NCAPD3: variants seen among roughly 807,000 people sequenced by gnomAD.
The protein encoded by NCAPD3 is non-SMC condensin II complex subunit D3, also known as condensin-2 complex subunit D3.
In NCAPD3, 105 loss-of-function variants were observed where a neutral mutation model predicts 182.9. The ratio of observed to expected loss-of-function variants is 0.57; its 90% CI spans 0.49 to 0.68. The LOEUF (loss-of-function observed/expected upper bound fraction) is 0.68, where lower values mean the gene tolerates loss of function less well. Among genes scored for constraint, NCAPD3 ranks in the 30% least tolerant of loss-of-function variants. The probability of loss-of-function intolerance (pLI) is 0.00; values close to 1 mark genes in which losing one functional copy is unlikely to be tolerated. For missense variants in NCAPD3, 1,944 were observed against 1,837.0 expected (o/e 1.06, Z -1.07); for synonymous variants, 815 against 679.9 (o/e 1.20, Z -3.09).
intron 3 of NCAPD3, among the ~76,000 whole-genome samples, chr11:134,212,677 C>T (rs181847181): frequency 2.6e-5 from 4 of 152,228 alleles, no homozygotes; most frequent in South Asian, 4.1e-4. Context: ...CAGGCATGAG[C>T]CACCTCACCC....
chr11:134,152,754 GAC>G lies in NCAPD3; in HGVS notation c.*188_*189del, dbSNP rs2120454255. On this transcript the variant is annotated 3_prime_UTR_variant, in exon 35 of 35. Transcript: ENST00000534548. ...TAAATCTGGCACATCTCTATTATTT[GAC>G]AGTGTTTAACCAAATACATCATACA... 2.1e-6 allele frequency: 1 copy of G among 485,860 alleles called. No homozygotes were observed. Among genetic ancestry groups the G allele is most frequent in the African/African-American group, 1.9e-5 (1 of 51,676 alleles). The allele number at this position is 485,860 out of a possible 1,614,324, so 30.1% of individuals were successfully genotyped here. A position where few individuals can be genotyped will look rare whatever the true frequency, so the allele number is the denominator to read the frequency against.
intron 32 of NCAPD3, 26 bp downstream of exon 32, chr11:134,156,992 C>T (rs1943439346): frequency 1.3e-6 from 2 of 1,577,716 alleles, no homozygotes; most frequent in African/African-American, 1.4e-5. Context: ...TGAGGAGAAG[C>T]CCACGTGTTC....
intron 27 of NCAPD3, among the ~76,000 whole-genome samples, chr11:134,167,584 TGGG>T (rs1239222546): frequency 1.1e-5 from 1 of 92,534 alleles, no homozygotes; most frequent in Admixed American, 1.4e-4. Context: ...GAGATGAGCT[TGGG>T]GGAGGGGCAC....
chr11:134,176,438 T>G (rs886474856), intron 23 of NCAPD3, 52 bp from the exon 24 acceptor site: 11 of 1,513,672 alleles, frequency 7.3e-6, no homozygotes, highest in Non-Finnish European at 1.0e-5. Context: ...TGGGCAAGCC[T>G]CACTGTTCCC....
intron 24 of NCAPD3, among the ~76,000 whole-genome samples, chr11:134,174,674 G>C: frequency 6.6e-6 from 1 of 152,046 alleles, no homozygotes; most frequent in East Asian, 1.9e-4. Flanking sequence ...CAGCACTGTA[G>C]GTTGAATATA....
intron 27 of NCAPD3, among the ~76,000 whole-genome samples, chr11:134,163,899 G>C (rs868704346): frequency 1.4e-5 from 2 of 138,790 alleles, no homozygotes; most frequent in African/African-American, 5.5e-5. Context: ...AAAAGAAAAA[G>C]AAAGAAAGAC....
chr11:134,151,108 C>CA lies in NCAPD3; in HGVS notation c.*1835_*1836insT, dbSNP rs1182633312. 1 of 152,250 alleles carries CA rather than the reference C, an allele frequency of 6.6e-6. No individual in the cohort carries two copies. The highest frequency in any genetic ancestry group is 1.9e-4 in the East Asian group (1 of 5,200). The allele number at this position is 152,250 out of a possible 1,614,324, so 9.4% of individuals were successfully genotyped here. ...CAAGGAGCTGCTGAGAAGGAGCACT[C>CA]CACTGTGTGCCTGGAGAATGGCTCT... is the stretch of plus-strand genomic sequence containing the variant. On this transcript the variant is annotated 3_prime_UTR_variant, in exon 35 of 35. Coordinates refer to ENST00000534548, the MANE Select transcript of NCAPD3 (RefSeq NM_015261.3).
At position 134,160,060 on chromosome 11, in the gene NCAPD3, A is replaced by C. The variant is rs781060765; in HGVS notation, c.3699T>G (p.Asp1233Glu). 5.0e-6 allele frequency: 8 copies of C among 1,613,994 alleles called. No individual in the cohort carries two copies. The highest frequency in any genetic ancestry group is 1.6e-4 in the Middle Eastern group (1 of 6,062). Reference protein sequence around the residue: ...LMHYLREVMQDYRDELKDFFA... With the variant: ...LMHYLREVMQEYRDELKDFFA... ...AGAAGTCCTTGAGCTCATCTCGGTA[A>C]TCCTGCATCACCTCCTGAAACAGAG... is the stretch of plus-strand genomic sequence containing the variant. The change falls in exon 29 of 35, where the codon GAT becomes GAG. Residue 1233 changes from aspartate to glutamate, a missense_variant. Asp to Glu is a conservative substitution (Grantham distance 45). Coordinates refer to ENST00000534548, the MANE Select transcript of NCAPD3 (RefSeq NM_015261.3).
intron 27 of NCAPD3, among the ~76,000 whole-genome samples, chr11:134,163,887 AAAAAAG>A (rs1565521626): frequency 8.3e-5 from 12 of 144,684 alleles, no homozygotes; most frequent in African/African-American, 2.6e-4. Context: ...AAAAAAAAAA[AAAAAAG>A]AAAAAGAAAG....
intron 27 of NCAPD3, among the ~76,000 whole-genome samples, chr11:134,167,067 TGGG>T (rs1189155175): frequency 2.4e-5 from 2 of 85,022 alleles, no homozygotes; most frequent in Non-Finnish European, 4.2e-5. Context: ...GAGATGAGCT[TGGG>T]GGAGCTGCAC....
At chr11:134,172,313 G>A (rs1944026090) in intron 24 of NCAPD3, among the ~76,000 whole-genome samples, 1 of 152,076 alleles carries the variant, frequency 6.6e-6, no homozygotes, top group African/African-American at 2.4e-5. Flanking sequence ...CATCCCATCT[G>A]GACCCAATGT....
rs201146015 is a variant in NCAPD3 at position 134,179,205 on chromosome 11, G to A, written c.2560-269C>T. Among the ~76,000 whole-genome samples, 4 of 152,244 alleles carry A rather than the reference G, an allele frequency of 2.6e-5. No individual in the cohort carries two copies. The East Asian group carries it at 7.7e-4, about 29-fold the overall frequency. On this transcript the variant is annotated intron_variant, in intron 20 of 34. Transcript: ENST00000534548. ...GGGGTGCTATTAATAATTATTTTGT[G>A]AAAATAGGTGTACGCTAGGGTTATC...
Position 134,169,023 on chromosome 11 carries a change from G to T in NCAPD3, c.3133C>A (p.Leu1045Met). The T allele has an allele frequency of 6.2e-7, 1 of 1,614,010 alleles. No individual in the cohort carries two copies. The change falls in exon 25 of 35, where the codon CTG (leucine) becomes ATG (methionine). Residue 1045 changes from leucine to methionine, a missense_variant. This residue lies in a region of NCAPD3 where 1,803 missense variants were observed against 1,674.6 expected (regional missense o/e 1.08). Coordinates refer to ENST00000534548, the MANE Select transcript of NCAPD3 (RefSeq NM_015261.3). ...FGEFCLAHLL[L>M]KRNPVMFFQH... ...AAGAACATGACAGGGTTCCTCTTCAGTAACAGGTGAGCCAGGCAAAACTCC... is the reference window on the plus strand; with the variant it reads ...AAGAACATGACAGGGTTCCTCTTCATTAACAGGTGAGCCAGGCAAAACTCC...
upstream of NCAPD3, chr11:134,224,061 C>T: frequency 9.1e-7 from 1 of 1,100,700 alleles, no homozygotes; most frequent in African/African-American, 1.6e-5. Flanking sequence ...CGAGCCGTTT[C>T]CATTCGCTCA....
At chr11:134,171,312 G>C (rs1304482893) in intron 24 of NCAPD3, among the ~76,000 whole-genome samples, 1 of 152,168 alleles carries the variant, frequency 6.6e-6, no homozygotes, top group Non-Finnish European at 1.5e-5. Flanking sequence ...CTTGTAAAAA[G>C]AAGTTATTAC....
chr11:134,204,276 G>T lies in NCAPD3; in HGVS notation c.1090-105C>A. ...AGTCAGTGAGTACAACTAGTTCAAT[G>T]ACCTTTAAATGTTACGTAAATGACT... On this transcript the variant is annotated intron_variant, in intron 9 of 34. Transcript: ENST00000534548. The surrounding 1 kb of genome is among the most constrained non-coding windows in gnomAD (Gnocchi z 4.3). The T allele has an allele frequency of 7.9e-7, 1 of 1,272,830 alleles. No homozygotes were observed. Among genetic ancestry groups the T allele is most frequent in the South Asian group, 1.5e-5 (1 of 68,702 alleles). 78.8% of individuals were successfully genotyped at this position (1,272,830 alleles called of 1,614,324 possible).
intron 3 of NCAPD3, among the ~76,000 whole-genome samples, chr11:134,215,375 A>G (rs1301723540): frequency 6.6e-6 from 1 of 152,236 alleles, no homozygotes; most frequent in Non-Finnish European, 1.5e-5. Flanking sequence ...GAAAGAAAGA[A>G]GTAAACCTGT....
chr11:134,162,654 C>A (rs1248851369), intron 27 of NCAPD3, among the ~76,000 whole-genome samples: 1 of 152,156 alleles, frequency 6.6e-6, no homozygotes, highest in African/African-American at 2.4e-5. Flanking sequence ...AGAAGGACAA[C>A]AAGTAGAGAA....
chr11:134,186,883 TACA>T (rs1293101096), intron 16 of NCAPD3, among the ~76,000 whole-genome samples: 7 of 152,238 alleles, frequency 4.6e-5, no homozygotes, highest in African/African-American at 1.2e-4. Flanking sequence ...ACAGTTAGCT[TACA>T]ACATGATTTA....
Sources: gnomAD v4.1 joint callset for allele counts (sites outside exome capture counted in the v4.1 genomes callset) on GRCh38, gnomAD v4.1.1 for gene constraint, gnomAD v4.1.1 regional missense constraint, Gnocchi (gnomAD v3.1) non-coding constraint, MANE v1.5 for transcripts, NCBI Gene and HGNC (gene_info 2026-07-23, HGNC 2026-07-21) for gene names.